MICU2: variants seen among roughly 807,000 people sequenced by gnomAD.
MICU2 encodes mitochondrial calcium uptake 2, also known as calcium uptake protein 2, mitochondrial.
A neutral mutation model predicts 60.4 loss-of-function variants in MICU2; 64 were observed. The observed-to-expected ratio is 1.06, with a 90% CI of 0.87 to 1.31. The LOEUF is 1.31. Ranked by LOEUF, MICU2 falls within the 50% of genes most tolerant of loss-of-function variation. The pLI is 0.00. For synonymous variants in MICU2, 201 were observed against 175.0 expected, an observed-to-expected ratio of 1.15 and a Z score of -1.17; for missense variants, 569 against 531.0, an observed-to-expected ratio of 1.07 and a Z score of -0.70.
intron 2 of MICU2, among the ~76,000 whole-genome samples, chr13:21,550,824 T>C (rs576346936): frequency 1.4e-4 from 22 of 152,362 alleles, no homozygotes; most frequent in African/African-American, 2.4e-4. Flanking sequence ...ACTCCCGTTT[T>C]ACTGATGAGG....
At chr13:21,526,282 A>G (rs1454332475) in intron 4 of MICU2, among the ~76,000 whole-genome samples, 2 of 151,642 alleles carry the variant, frequency 1.3e-5, no homozygotes, top group African/African-American at 4.9e-5. Flanking sequence ...CTCTTAATAT[A>G]TACGTTTTCT....
At chr13:21,602,747 G>A (rs1171381393) in intron 1 of MICU2, 3 of 151,998 alleles carry the variant, frequency 2.0e-5, no homozygotes, top group Non-Finnish European at 2.9e-5. Context: ...AACTCACAAG[G>A]CCTTCTTTCC....
rs139691199 is a variant in MICU2, at chr13:21,526,499, T to C, written c.467-3849A>G. Among the ~76,000 whole-genome samples the C allele has an allele frequency of 1.7e-3, 253 of 152,164 alleles. 3 individuals are homozygous for C. Among genetic ancestry groups the C allele is most frequent in the African/African-American group, 5.9e-3 (245 of 41,500 alleles). ...TCAGGTTTGATTTTGACAAGAATTCTTCACAGATGGCATTGTATACTTCCA... is the reference window on the plus strand; with the variant it reads ...TCAGGTTTGATTTTGACAAGAATTCCTCACAGATGGCATTGTATACTTCCA... On this transcript the variant is annotated intron_variant, in intron 4 of 11. Transcript: ENST00000382374.
chr13:21,532,045 C>G (rs927599111), intron 4 of MICU2, among the ~76,000 whole-genome samples: 2 of 152,080 alleles, frequency 1.3e-5, no homozygotes, highest in Non-Finnish European at 2.9e-5. Context: ...TATGAACACC[C>G]CTCCCAAGTC....
rs147967688 is a variant in MICU2 at position 21,548,592 on chromosome 13, G to C, written c.359-8904C>G. Reference sequence around the variant, plus strand: ...CTATTATTTTATAGATCTGGAAACAGGCCAGGTCAGGTAGTTTACCCAAGG... The same window carrying C: ...CTATTATTTTATAGATCTGGAAACACGCCAGGTCAGGTAGTTTACCCAAGG... On this transcript the variant is annotated intron_variant, in intron 2 of 11. Transcript: ENST00000382374. Among the ~76,000 whole-genome samples the C allele has an allele frequency of 5.6e-4, 85 of 152,222 alleles. No homozygotes were observed. The East Asian group carries it at 0.014, about 25-fold the overall frequency.
intron 1 of MICU2, 196 bp downstream of exon 1, chr13:21,603,743 G>T (rs978847426): frequency 3.3e-6 from 2 of 604,436 alleles, no homozygotes; most frequent in South Asian, 2.1e-5. Flanking sequence ...CACCAGCCTC[G>T]AAGGCCCTCG....
At chr13:21,527,323 C>T (rs1273974991) in intron 4 of MICU2, among the ~76,000 whole-genome samples, 1 of 152,178 alleles carries the variant, frequency 6.6e-6, no homozygotes, top group Non-Finnish European at 1.5e-5. Context: ...ATGGCCAAAC[C>T]TCTAGACTCC....
At chr13:21,510,158 C>G (rs1259254809) in intron 7 of MICU2, 57 bp from the exon 8 acceptor site, 9 of 888,972 alleles carry the variant, frequency 1.0e-5, no homozygotes, top group Admixed American at 3.7e-5. Flanking sequence ...AAAATAGAAT[C>G]TGTAGAGTAG....
At chr13:21,522,780 A>C in intron 4 of MICU2, 130 bp from the exon 5 acceptor site, 1 of 569,864 alleles carries the variant, frequency 1.8e-6, no homozygotes, top group Admixed American at 4.0e-5. Flanking sequence ...ATACAGTGGA[A>C]AATTTTTATA....
intron 9 of MICU2, among the ~76,000 whole-genome samples, chr13:21,500,420 T>TA (rs1886119269): frequency 1.3e-3 from 1 of 800 alleles, no homozygotes; most frequent in African/African-American, 1.7e-3. Context: ...CCTACTGATT[T>TA]TTTTTTTTTT....
intron 1 of MICU2, 59 bp downstream of exon 1, chr13:21,603,880 A>G (rs1888887653): frequency 1.3e-5 from 21 of 1,578,276 alleles, no homozygotes; most frequent in South Asian, 2.2e-5. Context: ...CTCCCCGCCT[A>G]AGGGCGTCAG....
chr13:21,547,038 C>G (rs997036114), intron 2 of MICU2, among the ~76,000 whole-genome samples: 4 of 152,134 alleles, frequency 2.6e-5, no homozygotes, highest in African/African-American at 7.2e-5. Context: ...TGAAGACAAG[C>G]AGTGAAAATG....
intron 1 of MICU2, chr13:21,583,006 G>C (rs1447940320): frequency 6.5e-6 from 1 of 153,500 alleles, no homozygotes; most frequent in Admixed American, 6.5e-5. Flanking sequence ...TTTCTTCAGT[G>C]TTTCAGGAAG....
chr13:21,566,991 C>A, intron 1 of MICU2, 47 bp from the exon 2 acceptor site: 1 of 1,506,020 alleles, frequency 6.6e-7, no homozygotes, highest in Non-Finnish European at 9.0e-7. Flanking sequence ...AGTGTTATTC[C>A]CAGTCACTTC....
Position 21,566,818 on chromosome 13 carries a change from C to G in MICU2, c.337G>C (p.Val113Leu). 1.9e-6 allele frequency: 3 copies of G among 1,596,130 alleles called. No individual in the cohort carries two copies. Among genetic ancestry groups the G allele is most frequent in the Non-Finnish European group, 2.6e-6 (3 of 1,172,368 alleles). The change falls in exon 2 of 12, where the codon GTG becomes CTG. Residue 113 changes from valine (V) to leucine (L), a missense_variant. Transcript: ENST00000382374. ...YMTPRDFLFS[V>L]MFEQMERKTS... ...TCACGTTCCATTTGCTCAAACATCA[C>G]TGAGAAGAGGAAGTCTCGTGGTGTC...
chr13:21,573,721 C>A (rs1442248066), intron 1 of MICU2, among the ~76,000 whole-genome samples: 1 of 151,036 alleles, frequency 6.6e-6, no homozygotes, highest in Non-Finnish European at 1.5e-5. Flanking sequence ...AAACTGTTGT[C>A]CAAGGAGTTA....
chr13:21,563,144 T>C (rs1887888518), intron 2 of MICU2, among the ~76,000 whole-genome samples: 1 of 152,162 alleles, frequency 6.6e-6, no homozygotes, highest in African/African-American at 2.4e-5. Context: ...AAGATTTTTT[T>C]CTCTTTCTTC....
At chr13:21,512,124 T>G (rs111793295) in intron 7 of MICU2, among the ~76,000 whole-genome samples, 6 of 152,346 alleles carry the variant, frequency 3.9e-5, no homozygotes, top group African/African-American at 1.4e-4. Flanking sequence ...TGCCACCATC[T>G]GGTGTGTCAG....
chr13:21,576,840 A>G (rs920896959), intron 1 of MICU2, among the ~76,000 whole-genome samples: 3 of 152,182 alleles, frequency 2.0e-5, no homozygotes, highest in African/African-American at 7.2e-5. Flanking sequence ...AAATACTGGA[A>G]TTATTTTTTA....
Sources: allele counts gnomAD v4.1 joint callset (sites outside exome capture counted in the v4.1 genomes callset), GRCh38; gene constraint gnomAD v4.1.1; transcripts MANE v1.5; gene names NCBI Gene and HGNC (gene_info 2026-07-23, HGNC 2026-07-21).